Variants in PVT1 observed in about 807,000 individuals in gnomAD.
The protein encoded by PVT1 is Pvt1 oncogene.
chr8:128,023,228 A>G (rs996321492), intron 4 of PVT1, among the ~76,000 whole-genome samples: 1 of 152,154 alleles, frequency 6.6e-6, no homozygotes, highest in African/African-American at 2.4e-5. Flanking sequence ...TATCACCATG[A>G]AAAGAGATTT....
At chr8:127,927,927 C>T (rs1816151023) in intron 3 of PVT1, among the ~76,000 whole-genome samples, 1 of 152,234 alleles carries the variant, frequency 6.6e-6, no homozygotes, top group Non-Finnish European at 1.5e-5. Context: ...GGGTTAAATA[C>T]TTTACAAAAA....
intron 3 of PVT1, among the ~76,000 whole-genome samples, chr8:127,973,213 C>T (rs1167258172): frequency 1.3e-5 from 2 of 152,126 alleles, no homozygotes; most frequent in Non-Finnish European, 2.9e-5. Flanking sequence ...TGCATTTAGT[C>T]ATTTACCTGT....
chr8:128,009,081 C>A (rs1817282086), intron 4 of PVT1: 2 of 278,608 alleles, frequency 7.2e-6, no homozygotes, highest in Admixed American at 3.3e-5. Context: ...TATGAAGTAT[C>A]CAAATATTAA....
chr8:127,865,380 A>G (rs891651466), intron 2 of PVT1, among the ~76,000 whole-genome samples: 1 of 152,200 alleles, frequency 6.6e-6, no homozygotes, highest in East Asian at 1.9e-4. Flanking sequence ...TGGGGATGTC[A>G]TATGCCATAC....
In PVT1 at chr8:127,975,325, G is replaced by C. The variant is rs1428597044; in HGVS notation, n.783-13837G>C. Among the ~76,000 whole-genome samples, 10 of 152,142 alleles carry C rather than the reference G, an allele frequency of 6.6e-5. No individual in the cohort carries two copies. In the East Asian group the frequency reaches 1.9e-3, roughly 29 times the overall value. ...ACCTCATCAACACTGGGTATTATTA[G>C]CTTAAAAAAATTATCATTCAATGGA... On this transcript the variant is annotated intron_variant and non_coding_transcript_variant, in intron 3 of 10. Coordinates refer to ENST00000651587, the Ensembl canonical transcript of PVT1.
At chr8:128,093,552 T>C (rs576965423) in intron 5 of PVT1, among the ~76,000 whole-genome samples, 1 of 152,062 alleles carries the variant, frequency 6.6e-6, no homozygotes, top group South Asian at 2.1e-4. Context: ...AGCAAGACTT[T>C]GTCTTAAAAA....
At chr8:128,010,936 T>G (rs570914141) in intron 4 of PVT1, among the ~76,000 whole-genome samples, 2 of 152,314 alleles carry the variant, frequency 1.3e-5, no homozygotes, top group African/African-American at 4.8e-5. Flanking sequence ...CAGTCAACAG[T>G]GAATGGGTTG....
At chr8:127,896,774 T>TCCCCC (rs71566652) in intron 3 of PVT1, among the ~76,000 whole-genome samples, 3 of 112,310 alleles carry the variant, frequency 2.7e-5, no homozygotes, top group Non-Finnish European at 5.6e-5. Context: ...ATGCCTTTCC[T>TCCCCC]CCCCCCCCCC....
chr8:128,084,461 G>A (rs1202460940), intron 5 of PVT1, among the ~76,000 whole-genome samples: 4 of 151,376 alleles, frequency 2.6e-5, no homozygotes, highest in Admixed American at 1.3e-4. Flanking sequence ...AGTTTCCCCC[G>A]CCCCTCATTT....
intron 2 of PVT1, among the ~76,000 whole-genome samples, chr8:127,860,038 G>T (rs1815203310): frequency 6.6e-6 from 1 of 152,152 alleles, no homozygotes; most frequent in African/African-American, 2.4e-5. Context: ...CCCCGTGACT[G>T]GCTGCGGCTG....
At chr8:127,826,576 G>GT (rs1417448462) in intron 2 of PVT1, among the ~76,000 whole-genome samples, 1 of 152,140 alleles carries the variant, frequency 6.6e-6, no homozygotes, top group Non-Finnish European at 1.5e-5. Context: ...TTTCATAACT[G>GT]TTTCCATTTG....
chr8:127,880,619 G>A (rs1245838618), intron 2 of PVT1, among the ~76,000 whole-genome samples: 2 of 102,338 alleles, frequency 2.0e-5, no homozygotes, highest in Non-Finnish European at 1.9e-5. Context: ...TTTTTTTTCC[G>A]AGATGGAGTC....
chr8:128,007,220 G>A (rs531156408), intron 4 of PVT1, among the ~76,000 whole-genome samples: 3 of 152,286 alleles, frequency 2.0e-5, no homozygotes, highest in African/African-American at 4.8e-5. Flanking sequence ...TTTGAATATC[G>A]TCTCTAGATT....
At chr8:127,977,740 A>G (rs948777049) in intron 3 of PVT1, among the ~76,000 whole-genome samples, 2 of 152,210 alleles carry the variant, frequency 1.3e-5, no homozygotes, top group African/African-American at 4.8e-5. Flanking sequence ...GTGTCAAAAA[A>G]AAGATACCTT....
At chr8:127,845,556 T>C (rs1245573856) in intron 2 of PVT1, among the ~76,000 whole-genome samples, 1 of 152,196 alleles carries the variant, frequency 6.6e-6, no homozygotes, top group Non-Finnish European at 1.5e-5. Context: ...TGTGTGAGTC[T>C]AGGAACTTAA....
At chr8:127,993,623 A>G (rs1164228950) in intron 4 of PVT1, among the ~76,000 whole-genome samples, 1 of 152,144 alleles carries the variant, frequency 6.6e-6, no homozygotes, top group Non-Finnish European at 1.5e-5. Context: ...TGGCATTTTG[A>G]CAGCACATAG....
chr8:127,937,548 G>GACACACACACACAC (rs35147410), intron 3 of PVT1, among the ~76,000 whole-genome samples: 86 of 122,690 alleles, frequency 7.0e-4, no homozygotes, highest in African/African-American at 2.8e-3. Flanking sequence ...TAGGGAAAAA[G>GACACACACACACAC]ACACACACAC....
At chr8:127,966,587 G>C (rs1411842839) in intron 3 of PVT1, among the ~76,000 whole-genome samples, 1 of 152,196 alleles carries the variant, frequency 6.6e-6, no homozygotes. Context: ...AACCTGAACT[G>C]CCTGACATCC....
In PVT1 at chr8:128,065,432, C is replaced by T. The variant is rs1490141113; in HGVS notation, n.913-4728C>T. 5.3e-5 allele frequency among the ~76,000 whole-genome samples: 8 copies of T among 152,288 alleles called. 1 individual carries two copies. The highest frequency in any genetic ancestry group is 4.6e-4 in the Admixed American group (7 of 15,302). On this transcript the variant is annotated intron_variant and non_coding_transcript_variant, in intron 4 of 10. Coordinates refer to ENST00000651587, the Ensembl canonical transcript of PVT1. ...AACTCCTGACTGCAAGTGATCCACCCACCTCAATCTTCCAAAATGCTGGGG... is the reference window on the plus strand; with the variant it reads ...AACTCCTGACTGCAAGTGATCCACCTACCTCAATCTTCCAAAATGCTGGGG...
Sources: gnomAD v4.1 joint callset for allele counts (sites outside exome capture counted in the v4.1 genomes callset) on GRCh38, gnomAD v4.1.1 for gene constraint, MANE v1.5 for transcripts, NCBI Gene and HGNC (gene_info 2026-07-23, HGNC 2026-07-21) for gene names.